The following COL27A1 variants were observed in gnomAD, a reference collection of about 807,000 sequenced individuals.
The protein encoded by COL27A1 is collagen alpha-1(XXVII) chain.
In COL27A1, 106 loss-of-function variants were observed where a neutral mutation model predicts 251.3. That is an observed-to-expected ratio of 0.42 (90% CI 0.36 to 0.50). COL27A1 has a LOEUF of 0.50. Among genes scored for constraint, COL27A1 ranks in the 20% least tolerant of loss-of-function variants. The pLI is 0.00. For missense variants in COL27A1, 2,325 were observed against 2,522.8 expected (o/e 0.92, Z 1.68); for synonymous variants, 1,000 against 986.3 (o/e 1.01, Z -0.26).
At chr9:114,206,357 C>G in intron 10 of COL27A1, 61 bp downstream of exon 10, 1 of 1,550,006 alleles carries the variant, frequency 6.5e-7, no homozygotes, top group Middle Eastern at 1.7e-4. Context: ...ACCTGTCCCT[C>G]CAGTGGGCTT....
intron 24 of COL27A1, among the ~76,000 whole-genome samples, chr9:114,248,521 C>T (rs1244982762): frequency 1.3e-5 from 2 of 152,210 alleles, no homozygotes; most frequent in Admixed American, 1.3e-4. Context: ...ACAATGCTGC[C>T]TCCTCCCATG....
At chr9:114,300,246 A>G in intron 50 of COL27A1, 123 bp downstream of exon 50, 3 of 948,820 alleles carry the variant, frequency 3.2e-6, no homozygotes, top group Non-Finnish European at 4.9e-6. Context: ...AGCCAGAATC[A>G]GGCATGAACA....
At chr9:114,171,278 C>T (rs181302980) in intron 3 of COL27A1, among the ~76,000 whole-genome samples, 2 of 152,224 alleles carry the variant, frequency 1.3e-5, no homozygotes, top group African/African-American at 4.8e-5. Context: ...CAAGGCCACG[C>T]AGCACGGAGG....
intron 3 of COL27A1, 42 bp downstream of exon 3, chr9:114,169,505 G>A: frequency 4.9e-6 from 7 of 1,426,448 alleles, no homozygotes; most frequent in Non-Finnish European, 6.6e-6. Flanking sequence ...GAGCTCCAGT[G>A]GGGGACTGGG....
intron 58 of COL27A1, 108 bp downstream of exon 58, chr9:114,306,796 A>G: frequency 8.4e-7 from 1 of 1,196,652 alleles, no homozygotes; most frequent in Non-Finnish European, 1.2e-6. Flanking sequence ...CCTCAGCAAG[A>G]CAGATACACT....
At chr9:114,306,813 C>A in intron 58 of COL27A1, 125 bp downstream of exon 58, 4 of 992,270 alleles carry the variant, frequency 4.0e-6, no homozygotes, top group South Asian at 3.3e-5. Context: ...CACTGGCAGT[C>A]ATTTATTCAC....
At chr9:114,172,982 G>A (rs953885515) in intron 3 of COL27A1, among the ~76,000 whole-genome samples, 1 of 152,262 alleles carries the variant, frequency 6.6e-6, no homozygotes, top group Non-Finnish European at 1.5e-5. Flanking sequence ...GGCTGTGTCT[G>A]CATGTGCAAA....
At chr9:114,250,912 A>G (rs1156687529) in intron 25 of COL27A1, among the ~76,000 whole-genome samples, 2 of 152,140 alleles carry the variant, frequency 1.3e-5, no homozygotes, top group East Asian at 3.9e-4. Context: ...CAGCAGATGC[A>G]TGTGACCTGG....
At chr9:114,308,611 C>G (rs1829229032) in intron 59 of COL27A1, among the ~76,000 whole-genome samples, 1 of 152,250 alleles carries the variant, frequency 6.6e-6, no homozygotes, top group Non-Finnish European at 1.5e-5. Flanking sequence ...TCCACAGGCT[C>G]TCTTCCCTGG....
At chr9:114,292,867 A>G (rs1435547298) in intron 49 of COL27A1, among the ~76,000 whole-genome samples, 3 of 152,242 alleles carry the variant, frequency 2.0e-5, no homozygotes, top group Non-Finnish European at 4.4e-5. Flanking sequence ...TATTTTCATA[A>G]TGACAAAGAA....
At chr9:114,190,200 C>A (rs1433196543) in intron 5 of COL27A1, among the ~76,000 whole-genome samples, 1 of 152,204 alleles carries the variant, frequency 6.6e-6, no homozygotes, top group Non-Finnish European at 1.5e-5. Context: ...CTGGGCCAGG[C>A]CCTGTGCCAG....
chr9:114,225,761 T>G (rs144432285), intron 14 of COL27A1, among the ~76,000 whole-genome samples: 4 of 152,352 alleles, frequency 2.6e-5, no homozygotes, highest in Non-Finnish European at 5.9e-5. Context: ...TCTAGTCAGT[T>G]GAAGCAATTT....
At chr9:114,156,724 C>T (rs1254051297) in intron 1 of COL27A1, among the ~76,000 whole-genome samples, 1 of 152,118 alleles carries the variant, frequency 6.6e-6, no homozygotes, top group Admixed American at 6.5e-5. Flanking sequence ...CGGAGAGGGG[C>T]AGGGACTCTC....
chr9:114,224,626 T>C (rs1831339817), intron 14 of COL27A1, among the ~76,000 whole-genome samples: 1 of 150,532 alleles, frequency 6.6e-6, no homozygotes, highest in Non-Finnish European at 1.5e-5. Context: ...TTTTGGACTA[T>C]AGCATCATAG....
At chr9:114,275,542 A>T in intron 36 of COL27A1, 119 bp from the exon 37 acceptor site, 1 of 643,216 alleles carries the variant, frequency 1.6e-6, no homozygotes. Flanking sequence ...AACTATCGAG[A>T]ATCTAGGGAC....
chr9:114,195,969 G>A lies in COL27A1; in HGVS notation c.2081G>A (p.Gly694Asp). 6.2e-7 allele frequency: 1 copy of A among 1,613,898 alleles called. No individual in the cohort carries two copies. Among genetic ancestry groups the A allele is most frequent in the Non-Finnish European group, 8.5e-7 (1 of 1,179,760 alleles). Residue 694 changes from glycine (G) to aspartate (D), a missense_variant, in exon 7 of 61, where the codon GGC (glycine) becomes GAC (aspartate). Gly to Asp is a moderately conservative substitution (Grantham distance 94, BLOSUM62 -1). This residue lies in a region of COL27A1 where 1,183 missense variants were observed against 1,144.1 expected (regional missense o/e 1.03). Coordinates refer to ENST00000356083, the MANE Select transcript of COL27A1 (RefSeq NM_032888.4). The part of the protein sequence containing the change: ...KAHDGAKGDM[G>D]LPGLSGNPGP... Reference sequence around the variant, plus strand: ...GTCTGTGTCTTCCAGGGTGACATGGGCTTGCCTGGGCTCTCCGGGAATCCA... The same window carrying A: ...GTCTGTGTCTTCCAGGGTGACATGGACTTGCCTGGGCTCTCCGGGAATCCA...
At chr9:114,254,102 G>A (rs1260997952) in intron 27 of COL27A1, among the ~76,000 whole-genome samples, 1 of 152,130 alleles carries the variant, frequency 6.6e-6, no homozygotes, top group Non-Finnish European at 1.5e-5. Context: ...CCCTTCCTTT[G>A]GAGCATGTAG....
intron 36 of COL27A1, 26 bp from the exon 37 acceptor site, chr9:114,275,634 CT>C (rs1433074234): frequency 2.3e-5 from 34 of 1,458,360 alleles, no homozygotes; most frequent in East Asian, 5.0e-5. Flanking sequence ...CTCTCTCTCT[CT>C]CCCCTCTTCA....
chr9:114,248,204 CAG>C (rs1833277181), intron 24 of COL27A1, among the ~76,000 whole-genome samples: 1 of 152,194 alleles, frequency 6.6e-6, no homozygotes, highest in Admixed American at 6.5e-5. Flanking sequence ...CTGTCTCTAA[CAG>C]AGCACAGACT....
Sources: gnomAD v4.1 joint callset for allele counts (sites outside exome capture counted in the v4.1 genomes callset) on GRCh38, gnomAD v4.1.1 for gene constraint, gnomAD v4.1.1 regional missense constraint, MANE v1.5 for transcripts, NCBI Gene and HGNC (gene_info 2026-07-23, HGNC 2026-07-21) for gene names.